The following JAK3 variants were observed in gnomAD, a reference collection of about 807,000 sequenced individuals.
JAK3 encodes the protein Janus kinase 3, also known as tyrosine-protein kinase JAK3.
Under a neutral mutation model 120.8 loss-of-function variants are expected in JAK3, and 88 were observed. That is an observed-to-expected ratio of 0.73 (90% CI 0.61 to 0.87). The LOEUF (loss-of-function observed/expected upper bound fraction) is 0.87. JAK3 is among the 40% of genes least tolerant of loss of function. The probability of loss-of-function intolerance (pLI) is 0.00; values close to 1 mark genes in which losing one functional copy is unlikely to be tolerated. For missense variants in JAK3, 1,254 were observed against 1,501.4 expected (o/e 0.84, Z 2.72); for synonymous variants, 592 against 628.6 (o/e 0.94, Z 0.87).
chr19:17,836,662 T>G (rs1055344958), intron 13 of JAK3: 3 of 411,212 alleles, frequency 7.3e-6, no homozygotes, highest in African/African-American at 6.0e-5. Context: ...TCCTTATCTT[T>G]CCAGGTTAGA....
intron 10 of JAK3, chr19:17,839,174 A>G (rs755538067): frequency 1.1e-5 from 6 of 521,868 alleles, no homozygotes; most frequent in South Asian, 9.6e-5. Flanking sequence ...ACTCAGAAGA[A>G]CTCACATCTC....
intron 13 of JAK3, chr19:17,836,918 C>T (rs531645746): frequency 5.3e-4 from 357 of 677,808 alleles, no homozygotes; most frequent in Non-Finnish European, 8.8e-4. Context: ...GACTTCAGGT[C>T]ATTCTGGGGC....
Position 17,842,251 on chromosome 19 carries a change from T to C in JAK3, c.861+65A>G, listed in dbSNP as rs1452198095. 1 of 1,403,614 alleles carries C rather than the reference T, an allele frequency of 7.1e-7. No homozygotes were observed. The highest frequency in any genetic ancestry group is 1.5e-5 in the African/African-American group (1 of 66,718). The allele number at this position is 1,403,614 out of a possible 1,614,324, so 86.9% of individuals were successfully genotyped here. A position where few individuals can be genotyped will look rare whatever the true frequency, so the allele number is the denominator to read the frequency against. On this transcript the variant is annotated intron_variant, in intron 6 of 23. Coordinates refer to ENST00000458235, the MANE Select transcript of JAK3 (RefSeq NM_000215.4). The surrounding 1 kb of genome is among the most constrained non-coding windows in gnomAD (Gnocchi z 6.4). ...GGCTCCGCCCCACATCCCCTACCAC[T>C]CTCCGGCCCCTCCCCGAGCCCCGCC... is the stretch of plus-strand genomic sequence containing the variant.
intron 8 of JAK3, among the ~76,000 whole-genome samples, chr19:17,840,812 G>A (rs957662023): frequency 2.0e-5 from 3 of 151,724 alleles, no homozygotes; most frequent in Non-Finnish European, 4.4e-5. Flanking sequence ...GCCTCTTCTG[G>A]GAGATTGTTT....
chr19:17,826,792 G>A lies in JAK3; in HGVS notation c.3326C>T (p.Ala1109Val), dbSNP rs1419169817. The A allele has an allele frequency of 6.2e-7, 1 of 1,613,984 alleles. No homozygotes were observed. The highest frequency in any genetic ancestry group is 8.5e-7 in the Non-Finnish European group (1 of 1,180,000). ...TTTGCCCTCTGGGTGAGCAGTGAAG[G>A]CATGAGTCTCACACCCCCGGCTTCC... ...WSGSRGCETHAFTAHPEGKHH... is the reference protein window; with the variant it reads ...WSGSRGCETHVFTAHPEGKHH... The change falls in exon 24 of 24, where the codon GCC becomes GTC. Residue 1109 changes from alanine (A) to valine (V), a missense_variant. Ala to Val is a moderately conservative substitution (Grantham distance 64, BLOSUM62 0). Around this residue, in one of 3 missense-constraint regions of JAK3, gnomAD observed 630 missense variants for 819.8 expected, o/e 0.77. Coordinates refer to ENST00000458235, the MANE Select transcript of JAK3 (RefSeq NM_000215.4).
At chr19:17,839,234 G>A in intron 10 of JAK3, 2 of 646,106 alleles carry the variant, frequency 3.1e-6, no homozygotes, top group Non-Finnish European at 5.7e-6. Flanking sequence ...TCACCCAGAG[G>A]AAGAGCTGAG....
Position 17,843,957 on chromosome 19 carries a change from G to T in JAK3, c.185-57C>A, listed in dbSNP as rs879185190. The T allele has an allele frequency of 6.2e-7, 1 of 1,604,414 alleles. No homozygotes were observed. The highest frequency in any genetic ancestry group is 1.1e-5 in the South Asian group (1 of 90,176). On this transcript the variant is annotated intron_variant, in intron 2 of 23. Transcript: ENST00000458235. This position sits in a 1 kb window ranked among gnomAD's most constrained non-coding sequence, Gnocchi z 5.4. The stretch of plus-strand genomic sequence containing the variant: ...GAGTCACCCCATCTGTGCCCTTCAG[G>T]AGTGCCAGCATCATACCCAACCGTC...
intron 8 of JAK3, 121 bp from the exon 9 acceptor site, chr19:17,840,462 C>A (rs1037104552): frequency 1.4e-6 from 1 of 716,440 alleles, no homozygotes; most frequent in South Asian, 1.6e-5. Flanking sequence ...ACCCTCCCCC[C>A]ATTTATAAAA....
rs1325698132 is a variant in JAK3 at position 17,832,965 on chromosome 19, T to C, written c.2351-36A>G. On this transcript the variant is annotated intron_variant, in intron 17 of 23. Coordinates refer to ENST00000458235, the MANE Select transcript of JAK3 (RefSeq NM_000215.4). The surrounding 1 kb of genome is among the most constrained non-coding windows in gnomAD (Gnocchi z 4.7). ...GGCATGGGCAGTGGTAAGCAGCGCC[T>C]CTCATCCTGGGCCCCACTCCTGAGT... 1.3e-6 allele frequency: 2 copies of C among 1,594,872 alleles called. No individual in the cohort carries two copies. Among genetic ancestry groups the C allele is most frequent in the African/African-American group, 2.7e-5 (2 of 74,632 alleles).
rs113366963 is a variant in JAK3, at chr19:17,834,209, G to A, written c.2350+362C>T. Among the ~76,000 whole-genome samples, 839 of 152,064 alleles carry A rather than the reference G, an allele frequency of 5.5e-3. 12 individuals are homozygous for A. The highest frequency in any genetic ancestry group is 0.019 in the African/African-American group (798 of 41,504). Reference sequence around the variant, plus strand: ...CCAAAAATACAAAAATTAGCTGGGCGTGGTGGCACACACTGTAATCCCAGC... The same window carrying A: ...CCAAAAATACAAAAATTAGCTGGGCATGGTGGCACACACTGTAATCCCAGC... On this transcript the variant is annotated intron_variant, in intron 17 of 23. Coordinates refer to ENST00000458235, the MANE Select transcript of JAK3 (RefSeq NM_000215.4).
At chr19:17,830,010 T>A in intron 23 of JAK3, 98 bp downstream of exon 23, 3 of 887,004 alleles carry the variant, frequency 3.4e-6, no homozygotes, top group Admixed American at 2.0e-5. Flanking sequence ...CACTCTAGCC[T>A]TTCTTCTCAG....
rs372733285 is a variant in JAK3, at chr19:17,831,381, G to A, written c.2825C>T (p.Ser942Phe). ...QICKGMEYLG[S>F]RRCVHRDLAA... ...CAGGTCGCGGTGCACGCAGCGGCGG[G>A]AGCCCAGGTACTCCATGCCCTGCGG... Residue 942 changes from serine to phenylalanine, a missense_variant, in exon 21 of 24, where the codon TCC becomes TTC. By Grantham distance (155) the Ser-to-Phe change is radical. Transcript: ENST00000458235. The surrounding 1 kb of genome is among the most constrained non-coding windows in gnomAD (Gnocchi z 5.1). 6 of 1,605,526 alleles carry A rather than the reference G, an allele frequency of 3.7e-6. No individual in the cohort carries two copies. In the African/African-American group the frequency reaches 5.3e-5, roughly 14 times the overall value.
At position 17,843,940 on chromosome 19, in the gene JAK3, C is replaced by G; in HGVS notation, c.185-40G>C. 1.2e-6 allele frequency: 2 copies of G among 1,611,266 alleles called. 1 individual carries two copies. The highest frequency in any genetic ancestry group is 1.7e-6 in the Non-Finnish European group (2 of 1,178,830). On this transcript the variant is annotated intron_variant, in intron 2 of 23. Transcript: ENST00000458235. This position sits in a 1 kb window ranked among gnomAD's most constrained non-coding sequence, Gnocchi z 5.4. ...CCCATCAGCTCCCTCCTGAGTCACC[C>G]CATCTGTGCCCTTCAGGAGTGCCAG...
In JAK3 at chr19:17,841,314, G is replaced by A. The variant is rs1386216670; in HGVS notation, c.1142+75C>T. The A allele has an allele frequency of 2.1e-6, 3 of 1,459,812 alleles. No individual in the cohort carries two copies. Among genetic ancestry groups the A allele is most frequent in the Non-Finnish European group, 2.8e-6 (3 of 1,081,964 alleles). The allele number at this position is 1,459,812 out of a possible 1,614,324, so 90.4% of individuals were successfully genotyped here. ...CCCCTGTCCAGGGCTCCTGGAAGGT[G>A]AGGACACTGAGGCATAGAGAAGGGG... On this transcript the variant is annotated intron_variant, in intron 8 of 23. Coordinates refer to ENST00000458235, the MANE Select transcript of JAK3 (RefSeq NM_000215.4). This position sits in a 1 kb window ranked among gnomAD's most constrained non-coding sequence, Gnocchi z 4.1.
chr19:17,842,024 CAGCTCTCGG>C lies in JAK3; in HGVS notation c.862-271_862-263del, dbSNP rs879415437. Among the ~76,000 whole-genome samples, 2 of 151,996 alleles carry C rather than the reference CAGCTCTCGG, an allele frequency of 1.3e-5. No homozygotes were observed. Among genetic ancestry groups the C allele is most frequent in the African/African-American group, 2.4e-5 (1 of 41,360 alleles). On this transcript the variant is annotated intron_variant, in intron 6 of 23. Coordinates refer to ENST00000458235, the MANE Select transcript of JAK3 (RefSeq NM_000215.4). This position sits in a 1 kb window ranked among gnomAD's most constrained non-coding sequence, Gnocchi z 6.4. ...ATCCCTGCCCCGCTTCGCAGCCTCC[CAGCTCTCGG>C]AGCCTCACTCTGCCTCTTAGTCTTG...
chr19:17,842,699 G>A lies in JAK3; in HGVS notation c.567-89C>T, dbSNP rs958675709. ...CACAAACCCAGGCTTTAGCCCAGGG[G>A]CTGGGGTGCGGCCCTAGTTGGGGCA... On this transcript the variant is annotated intron_variant, in intron 5 of 23. Coordinates refer to ENST00000458235, the MANE Select transcript of JAK3 (RefSeq NM_000215.4). This position sits in a 1 kb window ranked among gnomAD's most constrained non-coding sequence, Gnocchi z 6.4. The A allele has an allele frequency of 6.7e-6, 9 of 1,348,392 alleles. No homozygotes were observed. The highest frequency in any genetic ancestry group is 1.5e-5 in the African/African-American group (1 of 68,096). The allele number at this position is 1,348,392 out of a possible 1,614,324, so 83.5% of individuals were successfully genotyped here. A position where few individuals can be genotyped will look rare whatever the true frequency, so the allele number is the denominator to read the frequency against.
Position 17,830,169 on chromosome 19 carries a change from C to T in JAK3, c.3146G>A (p.Arg1049His), listed in dbSNP as rs750073941. 5.0e-6 allele frequency: 8 copies of T among 1,595,404 alleles called. No individual in the cohort carries two copies. Among genetic ancestry groups the T allele is most frequent in the Admixed American group, 3.5e-5 (2 of 57,780 alleles). The change falls in exon 23 of 24, where the codon CGC (arginine) becomes CAC (histidine). Residue 1049 changes from arginine (R) to histidine (H), a missense_variant. By Grantham distance (29) the Arg-to-His change is conservative. Transcript: ENST00000458235. ...GCCCTCCTCCAGCAGTTCCAAGAGG[C>T]GGCAGAGGGCGGGGACATCCCGCTC... The part of the protein sequence containing the change: ...GCERDVPALC[R>H]LLELLEEGQR...
intron 8 of JAK3, among the ~76,000 whole-genome samples, chr19:17,840,792 G>A (rs541651033): frequency 1.3e-3 from 193 of 151,826 alleles, no homozygotes; most frequent in African/African-American, 4.2e-3. Flanking sequence ...AAAATCAGCC[G>A]TAAGTCTTGG....
Position 17,844,318 on chromosome 19 carries a change from C to T in JAK3, c.100G>A (p.Gly34Ser). 1 of 1,609,672 alleles carries T rather than the reference C, an allele frequency of 6.2e-7. No homozygotes were observed. Among genetic ancestry groups the T allele is most frequent in the Non-Finnish European group, 8.5e-7 (1 of 1,178,804 alleles). Residue 34 changes from glycine (G) to serine (S), a missense_variant, in exon 2 of 24, where the codon GGC becomes AGC. By Grantham distance (56) the Gly-to-Ser change is moderately conservative. Transcript: ENST00000458235. ...GALHVLLPAR[G>S]PGPPQRLSFS... ...GATAGGCGCTGGGGGGGCCCGGGGC[C>T]CCGAGCGGGCAGCAGCACATGCAGG...
Sources: allele counts gnomAD v4.1 joint callset (sites outside exome capture counted in the v4.1 genomes callset), GRCh38; gene constraint gnomAD v4.1.1; regional missense constraint gnomAD v4.1.1; non-coding constraint Gnocchi (gnomAD v3.1); transcripts MANE v1.5; gene names NCBI Gene and HGNC (gene_info 2026-07-23, HGNC 2026-07-21).